The following GRIP1 variants were observed in gnomAD, a reference collection of about 807,000 sequenced individuals.
GRIP1 encodes glutamate receptor-interacting protein 1.
In GRIP1, 45 loss-of-function variants were observed where a neutral mutation model predicts 129.9. That is an observed-to-expected ratio of 0.35 (90% CI 0.27 to 0.44). GRIP1 has a LOEUF of 0.44. Among genes scored for constraint, GRIP1 ranks in the 20% least tolerant of loss-of-function variants. The pLI is 1.00. For synonymous variants in GRIP1, 530 were observed against 520.8 expected, an observed-to-expected ratio of 1.02 and a Z score of -0.24; for missense variants, 1,196 against 1,396.8, an observed-to-expected ratio of 0.86 and a Z score of 2.29.
intron 1 of GRIP1, among the ~76,000 whole-genome samples, chr12:66,887,697 C>G (rs1376133890): frequency 6.6e-6 from 1 of 152,114 alleles, no homozygotes; most frequent in Admixed American, 6.5e-5. Context: ...TCTTAAGAAA[C>G]TAACCTCTAA....
At chr12:66,805,828 T>C (rs998329134), upstream of GRIP1, among the ~76,000 whole-genome samples, 1 of 152,192 alleles carries the variant, frequency 6.6e-6, no homozygotes, top group African/African-American at 2.4e-5. Flanking sequence ...AGTTCCTTTA[T>C]TCCCAGAAGT....
At chr12:66,479,825 A>T (rs1190274728) in intron 7 of GRIP1, among the ~76,000 whole-genome samples, 6 of 149,708 alleles carry the variant, frequency 4.0e-5, no homozygotes, top group African/African-American at 1.5e-4. Context: ...AAACCACATG[A>T]TTATCTCAAT....
intron 1 of GRIP1, among the ~76,000 whole-genome samples, chr12:66,868,010 A>G (rs1300254433): frequency 6.6e-6 from 1 of 152,168 alleles, no homozygotes; most frequent in Admixed American, 6.6e-5. Flanking sequence ...GGGAATAGCA[A>G]TTGGGAAGTA....
At chr12:66,923,895 A>G (rs776291827) in intron 1 of GRIP1, among the ~76,000 whole-genome samples, 2 of 151,696 alleles carry the variant, frequency 1.3e-5, no homozygotes, top group Admixed American at 6.6e-5. Flanking sequence ...TCCACGCTGG[A>G]GTGTAATGGC....
chr12:66,803,182 A>T (rs560807274), intron 1 of GRIP1, among the ~76,000 whole-genome samples: 1 of 152,362 alleles, frequency 6.6e-6, no homozygotes, highest in Non-Finnish European at 1.5e-5. Context: ...AACGAATTAG[A>T]ATTGAAATAT....
At chr12:66,627,601 GA>G (rs2030237543) in intron 1 of GRIP1, among the ~76,000 whole-genome samples, 2 of 152,122 alleles carry the variant, frequency 1.3e-5, no homozygotes, top group Admixed American at 6.6e-5. Context: ...TTTATCTGAG[GA>G]TACGTCTTTC....
At chr12:66,690,599 C>T (rs1383984385) in intron 1 of GRIP1, among the ~76,000 whole-genome samples, 2 of 151,514 alleles carry the variant, frequency 1.3e-5, no homozygotes, top group Non-Finnish European at 2.9e-5. Flanking sequence ...AGCACGATGG[C>T]TCATGTCTAT....
At chr12:66,847,462 A>C (rs977302164) in intron 1 of GRIP1, among the ~76,000 whole-genome samples, 2 of 152,190 alleles carry the variant, frequency 1.3e-5, no homozygotes, top group Non-Finnish European at 2.9e-5. Flanking sequence ...CTTGATGAAC[A>C]TCTTTAATCA....
At chr12:66,868,160 T>C (rs1010741628) in intron 1 of GRIP1, among the ~76,000 whole-genome samples, 2 of 152,092 alleles carry the variant, frequency 1.3e-5, no homozygotes, top group African/African-American at 4.8e-5. Context: ...ACAGAACCAC[T>C]AGTTAAAATT....
At chr12:66,681,109 G>A (rs1172948904), upstream of GRIP1, among the ~76,000 whole-genome samples, 1 of 152,082 alleles carries the variant, frequency 6.6e-6, no homozygotes, top group African/African-American at 2.4e-5. Flanking sequence ...CTAGGGGATT[G>A]TTTTTTCTCT....
At chr12:66,377,446 G>GCCTCC in intron 20 of GRIP1, among the ~76,000 whole-genome samples, 161 bp from the exon 21 acceptor site, 1 of 150,890 alleles carries the variant, frequency 6.6e-6, no homozygotes, top group East Asian at 1.9e-4. Flanking sequence ...TCCTGCCTCA[G>GCCTCC]CCTCCCGAGT....
chr12:66,833,437 G>A (rs1175920974), intron 1 of GRIP1, among the ~76,000 whole-genome samples: 2 of 151,878 alleles, frequency 1.3e-5, no homozygotes, highest in Non-Finnish European at 2.9e-5. Context: ...CAGGCATTCT[G>A]CTCCATTTCT....
chr12:66,586,327 G>T (rs955057470), intron 2 of GRIP1, among the ~76,000 whole-genome samples: 1 of 152,026 alleles, frequency 6.6e-6, no homozygotes, highest in Non-Finnish European at 1.5e-5. Flanking sequence ...GTGACATGTG[G>T]CTCATAACTT....
chr12:66,628,382 C>G (rs1323518254), intron 1 of GRIP1, among the ~76,000 whole-genome samples: 1 of 141,170 alleles, frequency 7.1e-6, no homozygotes, highest in Non-Finnish European at 1.6e-5. Context: ...TAACACTGCC[C>G]TGCTTTCAAG....
In GRIP1 at chr12:66,694,489, G is replaced by A. The variant is rs76063506; in HGVS notation, c.-419-64153C>T. ...ATTCTGATAGGATCTTGGCAGATGG[G>A]CACAGTGCCAGCTCACAGTAAATGC... On this transcript the variant is annotated intron_variant, in intron 1 of 4. Coordinates refer to the GRIP1 transcript ENST00000538373. Among the ~76,000 whole-genome samples, 1,027 of 152,044 alleles carry A rather than the reference G, an allele frequency of 6.8e-3. 12 individuals carry two copies. Among genetic ancestry groups the A allele is most frequent in the African/African-American group, 0.023 (959 of 41,462 alleles).
chr12:66,857,616 G>A (rs1472424233), intron 1 of GRIP1, among the ~76,000 whole-genome samples: 1 of 151,802 alleles, frequency 6.6e-6, no homozygotes, highest in Non-Finnish European at 1.5e-5. Flanking sequence ...TTGAAGAGTG[G>A]AGGCATAAGT....
At chr12:66,415,421 C>T (rs183515953) in intron 15 of GRIP1, among the ~76,000 whole-genome samples, 6 of 152,134 alleles carry the variant, frequency 3.9e-5, no homozygotes, top group Non-Finnish European at 7.4e-5. Flanking sequence ...CAAGCAACAA[C>T]AGATGCCGGT....
intron 1 of GRIP1, among the ~76,000 whole-genome samples, chr12:66,731,556 A>T (rs2036438779): frequency 6.6e-6 from 1 of 152,184 alleles, no homozygotes; most frequent in Non-Finnish European, 1.5e-5. Flanking sequence ...ATAAATAAAC[A>T]TGGTGGGAAA....
At chr12:66,859,309 AC>A (rs1264876830) in intron 1 of GRIP1, among the ~76,000 whole-genome samples, 3 of 120,192 alleles carry the variant, frequency 2.5e-5, no homozygotes, top group African/African-American at 3.0e-5. Flanking sequence ...ACAAAAAAAA[AC>A]CAGTATTAGC....
Sources: gnomAD v4.1 joint callset for allele counts (sites outside exome capture counted in the v4.1 genomes callset) on GRCh38, gnomAD v4.1.1 for gene constraint, MANE v1.5 for transcripts, NCBI Gene and HGNC (gene_info 2026-07-23, HGNC 2026-07-21) for gene names.